Variants in RBFOX1 observed in about 807,000 individuals in gnomAD.
RBFOX1 encodes RNA binding protein fox-1 homolog 1.
Under a neutral mutation model 57.7 loss-of-function variants are expected in RBFOX1, and 8 were observed. That is an observed-to-expected ratio of 0.14 (90% CI 0.08 to 0.25). The LOEUF (loss-of-function observed/expected upper bound fraction) is 0.25, where lower values mean the gene tolerates loss of function less well. Among genes scored for constraint, RBFOX1 ranks in the 10% least tolerant of loss-of-function variants. The pLI, the probability that RBFOX1 is intolerant of heterozygous loss-of-function variation, is 1.00. For missense variants in RBFOX1, 611 were observed against 548.5 expected, an observed-to-expected ratio of 1.11 and a Z score of -1.14; for synonymous variants, 326 against 222.4, an observed-to-expected ratio of 1.47 and a Z score of -4.15.
chr16:7,134,663 T>A lies in RBFOX1; in HGVS notation c.27+82565T>A, dbSNP rs539470063. ...TTGAAGAAAAGAATTCCGTCAGCTT[T>A]CATTCACATCAACAGAGGCTACTTA... is the stretch of plus-strand genomic sequence containing the variant. On this transcript the variant is annotated intron_variant, in intron 4 of 15. Coordinates refer to ENST00000550418, the MANE Select transcript of RBFOX1 (RefSeq NM_018723.4). Among the ~76,000 whole-genome samples, 208 of 152,360 alleles carry A rather than the reference T, an allele frequency of 1.4e-3. 1 individual carries two copies. Among genetic ancestry groups the A allele is most frequent in the African/African-American group, 4.8e-3 (199 of 41,592 alleles).
chr16:5,626,898 C>G (rs1465092501), intron 3 of RBFOX1, among the ~76,000 whole-genome samples: 1 of 152,048 alleles, frequency 6.6e-6, no homozygotes, highest in African/African-American at 2.4e-5. Context: ...GGTCTCATTT[C>G]TGTTCTCCCC....
chr16:7,693,550 TAGGC>T, intron 14 of RBFOX1, among the ~76,000 whole-genome samples: 1 of 151,988 alleles, frequency 6.6e-6, no homozygotes, highest in Non-Finnish European at 1.5e-5. Context: ...AAGACGACAT[TAGGC>T]ATTTTGCTAA....
rs34759657 is a variant in RBFOX1 at position 5,389,192 on chromosome 16, A to AAAATAAATAAATAAAT, written c.220-78016_220-78001dup. 7.0e-3 allele frequency among the ~76,000 whole-genome samples: 1,046 copies of AAAATAAATAAATAAAT among 150,118 alleles called. 10 individuals carry two copies. Among genetic ancestry groups the AAAATAAATAAATAAAT allele is most frequent in the African/African-American group, 0.024 (962 of 40,816 alleles). On this transcript the variant is annotated intron_variant, in intron 1 of 2. Coordinates refer to the RBFOX1 transcript ENST00000585867. ...GGCGACAGAGCGAGACTCCGTCTCA[A>AAAATAAATAAATAAAT]AAATAAATAAATAAATAAATAAAGG...
chr16:5,901,360 G>A (rs986136915), intron 4 of RBFOX1, among the ~76,000 whole-genome samples: 17 of 152,160 alleles, frequency 1.1e-4, no homozygotes, highest in African/African-American at 3.6e-4. Flanking sequence ...GCACCCTGTA[G>A]CTGGCGATGA....
At chr16:7,214,197 C>T (rs942393154) in intron 4 of RBFOX1, among the ~76,000 whole-genome samples, 6 of 152,124 alleles carry the variant, frequency 3.9e-5, no homozygotes, top group South Asian at 2.1e-4. Flanking sequence ...CTTCATTTAT[C>T]CTAGGATATG....
chr16:5,576,426 A>G (rs919314801), intron 2 of RBFOX1, among the ~76,000 whole-genome samples: 2 of 152,228 alleles, frequency 1.3e-5, no homozygotes, highest in Non-Finnish European at 2.9e-5. Context: ...TGGTTTAAAA[A>G]AATCAAGGCA....
chr16:6,180,889 C>T lies in RBFOX1; in HGVS notation c.-126-136106C>T, dbSNP rs186130614. ...CCTCTTTTGTTTTTAATCTTCATTT[C>T]TGAAAGTTTTTATATTATCTATATA... On this transcript the variant is annotated intron_variant, in intron 1 of 15. Transcript: ENST00000550418. 2.5e-3 allele frequency among the ~76,000 whole-genome samples: 387 copies of T among 152,106 alleles called. 3 individuals carry two copies. The highest frequency in any genetic ancestry group is 8.7e-3 in the African/African-American group (363 of 41,512).
chr16:6,209,203 G>T (rs1054279588), intron 1 of RBFOX1, among the ~76,000 whole-genome samples: 13 of 152,176 alleles, frequency 8.5e-5, no homozygotes, highest in African/African-American at 3.1e-4. Flanking sequence ...GTGTGAAGCT[G>T]CTGGAGAATG....
At chr16:6,788,483 T>C (rs1195050900) in intron 3 of RBFOX1, among the ~76,000 whole-genome samples, 2 of 151,854 alleles carry the variant, frequency 1.3e-5, no homozygotes, top group Non-Finnish European at 2.9e-5. Context: ...TTTTATTTTT[T>C]ATTTTTTTGA....
At chr16:6,326,689 T>C (rs1406082946) in intron 2 of RBFOX1, among the ~76,000 whole-genome samples, 2 of 151,562 alleles carry the variant, frequency 1.3e-5, no homozygotes, top group East Asian at 3.9e-4. Flanking sequence ...AATGCATTAA[T>C]AACAGAAACG....
At chr16:5,704,315 C>G (rs752744763) in intron 3 of RBFOX1, among the ~76,000 whole-genome samples, 2 of 152,062 alleles carry the variant, frequency 1.3e-5, no homozygotes, top group Non-Finnish European at 2.9e-5. Context: ...TAATCCATCA[C>G]TAGAAGGTAG....
intron 4 of RBFOX1, among the ~76,000 whole-genome samples, chr16:7,453,726 C>T (rs1165172533): frequency 1.3e-5 from 2 of 152,136 alleles, no homozygotes; most frequent in African/African-American, 4.8e-5. Context: ...TGCCTCTGAG[C>T]AATGCACAGA....
chr16:6,025,629 C>T (rs145406459), intron 1 of RBFOX1, among the ~76,000 whole-genome samples: 24 of 152,244 alleles, frequency 1.6e-4, no homozygotes, highest in African/African-American at 4.8e-4. Flanking sequence ...ATCGTCTGTC[C>T]GGGTAGGTTC....
Position 5,862,618 on chromosome 16 carries a change from G to C in RBFOX1, c.319-4685G>C, listed in dbSNP as rs150271102. On this transcript the variant is annotated intron_variant, in intron 3 of 19. Transcript: ENST00000641259. The stretch of plus-strand genomic sequence containing the variant: ...GCGCTGTCTAGGATGATAGAGACCG[G>C]GTTCAGTTTACAGCTCTACTGCTTG... Among the ~76,000 whole-genome samples, 404 of 152,268 alleles carry C rather than the reference G, an allele frequency of 2.7e-3. 2 individuals carry two copies. Among genetic ancestry groups the C allele is most frequent in the African/African-American group, 9.2e-3 (383 of 41,560 alleles).
At chr16:7,024,698 A>G (rs1352097660) in intron 3 of RBFOX1, among the ~76,000 whole-genome samples, 1 of 152,184 alleles carries the variant, frequency 6.6e-6, no homozygotes, top group East Asian at 1.9e-4. Context: ...AGCCCCAGGC[A>G]CAAATTCCTC....
intron 1 of RBFOX1, among the ~76,000 whole-genome samples, chr16:6,072,231 C>G (rs888206146): frequency 6.6e-6 from 1 of 152,036 alleles, no homozygotes; most frequent in African/African-American, 2.4e-5. Context: ...TAAAACCCAC[C>G]CCCCCATGAT....
At chr16:6,176,294 C>T (rs1277561042) in intron 1 of RBFOX1, among the ~76,000 whole-genome samples, 1 of 150,806 alleles carries the variant, frequency 6.6e-6, no homozygotes, top group African/African-American at 2.4e-5. Context: ...TACAGGTGCC[C>T]ACCGCCATGC....
intron 14 of RBFOX1, among the ~76,000 whole-genome samples, chr16:7,707,578 G>A (rs542575003): frequency 3.3e-4 from 50 of 152,232 alleles, no homozygotes; most frequent in Non-Finnish European, 5.9e-4. Flanking sequence ...CATTCATGCC[G>A]AGCTGCTGTG....
At chr16:6,511,432 C>T (rs2096252975) in intron 2 of RBFOX1, among the ~76,000 whole-genome samples, 1 of 152,150 alleles carries the variant, frequency 6.6e-6, no homozygotes, top group African/African-American at 2.4e-5. Context: ...AATTTTCCTG[C>T]TCTGTTCCTA....
Sources: allele counts gnomAD v4.1 joint callset (sites outside exome capture counted in the v4.1 genomes callset), GRCh38; gene constraint gnomAD v4.1.1; transcripts MANE v1.5; gene names NCBI Gene and HGNC (gene_info 2026-07-23, HGNC 2026-07-21).